Variants in PDZRN3 observed in about 807,000 individuals in gnomAD.
PDZRN3 encodes E3 ubiquitin-protein ligase PDZRN3.
A neutral mutation model predicts 85.7 loss-of-function variants in PDZRN3; 38 were observed. The observed-to-expected ratio is 0.44, with a 90% CI of 0.34 to 0.58. The LOEUF is 0.58. Among genes scored for constraint, PDZRN3 ranks in the 20% least tolerant of loss-of-function variants. The pLI is 0.01. For synonymous variants in PDZRN3, 759 were observed against 638.0 expected, an observed-to-expected ratio of 1.19 and a Z score of -2.86; for missense variants, 1,629 against 1,506.4, an observed-to-expected ratio of 1.08 and a Z score of -1.35.
At chr3:73,543,757 A>T (rs961079487) in intron 3 of PDZRN3, among the ~76,000 whole-genome samples, 1 of 152,242 alleles carries the variant, frequency 6.6e-6, no homozygotes, top group African/African-American at 2.4e-5. Context: ...ATTGCACAGA[A>T]CATCTGATAC....
At chr3:73,495,540 A>ATT (rs2106671134) in intron 3 of PDZRN3, among the ~76,000 whole-genome samples, 1 of 152,166 alleles carries the variant, frequency 6.6e-6, no homozygotes, top group East Asian at 1.9e-4. Flanking sequence ...GTGCGCATAT[A>ATT]TTTGTCTTAT....
In PDZRN3 at chr3:73,624,819, A is replaced by G; in HGVS notation, c.7T>C (p.Phe3Leu). 7.5e-7 allele frequency: 1 copy of G among 1,338,538 alleles called. No homozygotes were observed. The highest frequency in any genetic ancestry group is 9.5e-7 in the Non-Finnish European group (1 of 1,048,186). The allele number at this position is 1,338,538 out of a possible 1,614,324, so 82.9% of individuals were successfully genotyped here. A position where few individuals can be genotyped will look rare whatever the true frequency, so the allele number is the denominator to read the frequency against. Reference protein sequence around the residue: MGFELDRFDGDVD... With the variant: MGLELDRFDGDVD... ...TCGCCGTCGAAGCGGTCCAGCTCGA[A>G]GCCCATGGTGGCGGCCAGGCCCCGG... The change falls in exon 1 of 10, where the codon TTC becomes CTC. Residue 3 changes from phenylalanine to leucine, a missense_variant. By Grantham distance (22) the Phe-to-Leu change is conservative. Transcript: ENST00000263666.
chr3:73,493,327 T>C (rs1703808358), intron 3 of PDZRN3, among the ~76,000 whole-genome samples: 2 of 151,930 alleles, frequency 1.3e-5, no homozygotes, highest in South Asian at 4.2e-4. Flanking sequence ...CTGAAAAAAA[T>C]AACTGGGAAG....
At chr3:73,621,620 G>C (rs1034201270) in intron 1 of PDZRN3, 4 of 152,188 alleles carry the variant, frequency 2.6e-5, no homozygotes, top group African/African-American at 9.6e-5. Flanking sequence ...TTCGGGGCAA[G>C]GAGAGACAGC....
chr3:73,543,441 GA>G (rs1297593657), intron 3 of PDZRN3, among the ~76,000 whole-genome samples: 1 of 152,120 alleles, frequency 6.6e-6, no homozygotes, highest in Non-Finnish European at 1.5e-5. Context: ...ACATTGAAAA[GA>G]AAAAAGGTAT....
At chr3:73,410,964 A>G (rs1036960438) in intron 3 of PDZRN3, among the ~76,000 whole-genome samples, 1 of 152,232 alleles carries the variant, frequency 6.6e-6, no homozygotes, top group Non-Finnish European at 1.5e-5. Flanking sequence ...ATTATAGGAA[A>G]GCCAATGGCA....
chr3:73,520,975 G>A (rs80297113), intron 3 of PDZRN3, among the ~76,000 whole-genome samples: 1 of 152,208 alleles, frequency 6.6e-6, no homozygotes, highest in African/African-American at 2.4e-5. Flanking sequence ...TTTAAGAACA[G>A]GAGCTAGTGA....
intron 3 of PDZRN3, among the ~76,000 whole-genome samples, chr3:73,405,300 A>G (rs1470763215): frequency 6.6e-6 from 1 of 152,198 alleles, no homozygotes; most frequent in African/African-American, 2.4e-5. Flanking sequence ...TGAAATAGAA[A>G]TCAGAGTCTT....
At chr3:73,387,139 C>T (rs769239278) in intron 8 of PDZRN3, among the ~76,000 whole-genome samples, 5 of 152,206 alleles carry the variant, frequency 3.3e-5, no homozygotes, top group Non-Finnish European at 5.9e-5. Flanking sequence ...GATTGTGAGG[C>T]CTCCCCAGCC....
chr3:73,433,577 G>A (rs1702474274), intron 3 of PDZRN3: 13 of 1,108,242 alleles, frequency 1.2e-5, no homozygotes, highest in Non-Finnish European at 1.7e-5. Flanking sequence ...ACCTTTCCTA[G>A]AAGTTACACT....
chr3:73,517,165 TG>T (rs1330468050), intron 3 of PDZRN3, among the ~76,000 whole-genome samples: 9 of 152,190 alleles, frequency 5.9e-5, no homozygotes, highest in Admixed American at 5.9e-4. Flanking sequence ...GGTGATACAG[TG>T]GAAAGATCCA....
chr3:73,563,057 T>C (rs9850220), intron 3 of PDZRN3, among the ~76,000 whole-genome samples: 112,146 of 117,156 alleles, frequency 0.96, 53,726 homozygotes, highest in African/African-American at 0.98. Context: ...CTAGTTCAGT[T>C]GCTCAGGCTG....
At chr3:73,471,307 C>G (rs766962434) in intron 3 of PDZRN3, among the ~76,000 whole-genome samples, 33 of 152,278 alleles carry the variant, frequency 2.2e-4, no homozygotes, top group Non-Finnish European at 3.7e-4. Flanking sequence ...AGGTCCCCCC[C>G]CAGGTTTCAC....
Position 73,618,400 on chromosome 3 carries a change from C to T in PDZRN3, c.723+5703G>A, listed in dbSNP as rs150368818. On this transcript the variant is annotated intron_variant, in intron 1 of 9. Coordinates refer to ENST00000263666, the MANE Select transcript of PDZRN3 (RefSeq NM_015009.3). ...TCTTATTTTGGTAACAGTGTGAGCT[C>T]GGAGATGGGCCACACTGGGTTCAAA... Among the ~76,000 whole-genome samples, 369 of 152,210 alleles carry T rather than the reference C, an allele frequency of 2.4e-3. 1 individual carries two copies. Among genetic ancestry groups the T allele is most frequent in the African/African-American group, 6.9e-3 (287 of 41,510 alleles).
chr3:73,386,019 T>A (rs1385604656), intron 8 of PDZRN3, among the ~76,000 whole-genome samples: 1 of 152,010 alleles, frequency 6.6e-6, no homozygotes, highest in Non-Finnish European at 1.5e-5. Context: ...TCCATGATTT[T>A]TTTTTTTCAG....
chr3:73,554,363 C>T (rs1021336182), intron 3 of PDZRN3, among the ~76,000 whole-genome samples: 2 of 132,418 alleles, frequency 1.5e-5, no homozygotes, highest in Non-Finnish European at 3.2e-5. Context: ...GACACACACA[C>T]ACACACACAC....
chr3:73,594,286 G>C (rs1204064173), intron 3 of PDZRN3, among the ~76,000 whole-genome samples: 1 of 152,078 alleles, frequency 6.6e-6, no homozygotes, highest in Non-Finnish European at 1.5e-5. Context: ...CCATGAAATA[G>C]GTTAAGATTT....
Position 73,520,878 on chromosome 3 carries a change from A to C in PDZRN3, c.918+81476T>G, listed in dbSNP as rs181756186. On this transcript the variant is annotated intron_variant, in intron 3 of 9. Transcript: ENST00000263666. The stretch of plus-strand genomic sequence containing the variant: ...CCATCAGCACCCAGATGGTAATACA[A>C]CTACAAGCAAGGATAACATCACTCA... 6.6e-5 allele frequency among the ~76,000 whole-genome samples: 10 copies of C among 152,304 alleles called. No homozygotes were observed. In the East Asian group the frequency reaches 1.7e-3, roughly 26 times the overall value.
intron 3 of PDZRN3, among the ~76,000 whole-genome samples, chr3:73,490,750 A>T (rs1703754667): frequency 6.6e-6 from 1 of 152,192 alleles, no homozygotes; most frequent in African/African-American, 2.4e-5. Flanking sequence ...TCTGGCAGGT[A>T]AGCAATGGCA....
Sources: gnomAD v4.1 joint callset for allele counts (sites outside exome capture counted in the v4.1 genomes callset) on GRCh38, gnomAD v4.1.1 for gene constraint, MANE v1.5 for transcripts, NCBI Gene and HGNC (gene_info 2026-07-23, HGNC 2026-07-21) for gene names.